The following CAAP1 variants were observed in gnomAD, a reference collection of about 807,000 sequenced individuals.
CAAP1 encodes the protein conserved anti-apoptotic protein.
A neutral mutation model predicts 34.0 loss-of-function variants in CAAP1; 20 were observed. The observed-to-expected ratio is 0.59, with a 90% CI of 0.41 to 0.86. CAAP1 has a LOEUF of 0.86. Ranked by LOEUF, CAAP1 falls within the 40% of genes least tolerant of loss-of-function variation. The probability of loss-of-function intolerance (pLI) is 0.00; values close to 1 mark genes in which losing one functional copy is unlikely to be tolerated. For synonymous variants in CAAP1, 213 were observed against 166.7 expected (o/e 1.28, Z -2.14); for missense variants, 538 against 450.5 (o/e 1.19, Z -1.76).
chr9:26,891,345 C>T (rs958530443), intron 1 of CAAP1, among the ~76,000 whole-genome samples: 2 of 151,976 alleles, frequency 1.3e-5, no homozygotes, highest in African/African-American at 4.8e-5. Flanking sequence ...TAAAAAATGC[C>T]ATCAAAATGT....
At chr9:26,864,668 A>G (rs1341936970) in intron 4 of CAAP1, among the ~76,000 whole-genome samples, 1 of 152,214 alleles carries the variant, frequency 6.6e-6, no homozygotes, top group Non-Finnish European at 1.5e-5. Context: ...GTTTTATTTT[A>G]AAGTGACTAA....
chr9:26,876,285 G>T (rs181851623), intron 4 of CAAP1, among the ~76,000 whole-genome samples: 80 of 152,192 alleles, frequency 5.3e-4, no homozygotes, highest in Non-Finnish European at 8.2e-4. Context: ...GGATCCTCAT[G>T]ATTATACTGG....
At chr9:26,850,228 G>A (rs1397779548) in intron 5 of CAAP1, among the ~76,000 whole-genome samples, 1 of 152,128 alleles carries the variant, frequency 6.6e-6, no homozygotes, top group Non-Finnish European at 1.5e-5. Context: ...TCTTGCTACT[G>A]ACTAGACTTT....
chr9:26,843,468 T>C (rs1021302203), intron 5 of CAAP1, among the ~76,000 whole-genome samples: 2 of 152,182 alleles, frequency 1.3e-5, no homozygotes, highest in African/African-American at 2.4e-5. Flanking sequence ...TGTGTTTTTC[T>C]TGCATTTTCT....
chr9:26,877,593 C>CA, intron 4 of CAAP1, among the ~76,000 whole-genome samples: 1 of 152,246 alleles, frequency 6.6e-6, no homozygotes, highest in East Asian at 1.9e-4. Flanking sequence ...GTTGTATGAA[C>CA]ATGTTACTCC....
chr9:26,864,360 TG>T (rs1050144616), intron 4 of CAAP1, among the ~76,000 whole-genome samples: 3 of 152,046 alleles, frequency 2.0e-5, no homozygotes, highest in African/African-American at 7.2e-5. Context: ...TTTCTAAATA[TG>T]GGGGGTGGGG....
chr9:26,861,098 T>G lies in CAAP1; in HGVS notation c.707A>C (p.Asn236Thr), dbSNP rs750587844. 1.2e-6 allele frequency: 2 copies of G among 1,612,224 alleles called. No homozygotes were observed. The highest frequency in any genetic ancestry group is 3.3e-5 in the Admixed American group (2 of 59,996). ...TAATTCCAAACCTTCAGGTTGCTTA[T>G]TCTCTCTCACGGATGAAGCAGAATC... ...CIDSASSVRENKQPEGLELKQ... is the reference protein window; with the variant it reads ...CIDSASSVRETKQPEGLELKQ... Residue 236 changes from asparagine (N) to threonine (T), a missense_variant, in exon 5 of 6, where the codon AAT becomes ACT. Physicochemically the swap from Asn to Thr is moderately conservative, Grantham distance 65 (BLOSUM62 0). This residue lies in a region of CAAP1 where 514 missense variants were observed against 408.4 expected (regional missense o/e 1.26). Transcript: ENST00000333916.
intron 5 of CAAP1, among the ~76,000 whole-genome samples, chr9:26,846,935 C>T (rs1369369821): frequency 2.0e-5 from 3 of 152,066 alleles, no homozygotes; most frequent in Non-Finnish European, 4.4e-5. Context: ...GATCTGCCTG[C>T]CTCAGCCTCC....
At chr9:26,884,069 C>T (rs547963549) in intron 4 of CAAP1, among the ~76,000 whole-genome samples, 12 of 152,094 alleles carry the variant, frequency 7.9e-5, no homozygotes, top group Admixed American at 2.6e-4. Context: ...ATTTATTTTT[C>T]TTTTATACTT....
intron 4 of CAAP1, among the ~76,000 whole-genome samples, chr9:26,864,495 T>C (rs569801419): frequency 1.3e-5 from 2 of 152,252 alleles, no homozygotes; most frequent in East Asian, 1.9e-4. Context: ...AGGAAACTTA[T>C]CTCTGTTTCC....
At chr9:26,884,916 A>C (rs780909241) in intron 3 of CAAP1, 31 bp from the exon 4 acceptor site, 4 of 1,420,976 alleles carry the variant, frequency 2.8e-6, no homozygotes, top group Non-Finnish European at 2.9e-6. Flanking sequence ...TTGAAAGCAC[A>C]CTTATAAAAA....
chr9:26,873,416 T>C (rs1313350396), intron 4 of CAAP1, among the ~76,000 whole-genome samples: 1 of 152,258 alleles, frequency 6.6e-6, no homozygotes, highest in East Asian at 1.9e-4. Context: ...AGCACATTCA[T>C]TTAAAATTCA....
chr9:26,866,692 G>A (rs1193684169), intron 4 of CAAP1, among the ~76,000 whole-genome samples: 1 of 152,146 alleles, frequency 6.6e-6, no homozygotes. Flanking sequence ...TTTACTGCCA[G>A]GTATACGGAT....
At chr9:26,888,778 T>C (rs1168454157) in intron 1 of CAAP1, among the ~76,000 whole-genome samples, 1 of 152,214 alleles carries the variant, frequency 6.6e-6, no homozygotes, top group East Asian at 1.9e-4. Context: ...ACGATATGTC[T>C]ACACAAAAAC....
intron 3 of CAAP1, among the ~76,000 whole-genome samples, chr9:26,885,506 A>G (rs1302677135): frequency 6.6e-6 from 1 of 152,214 alleles, no homozygotes; most frequent in Non-Finnish European, 1.5e-5. Flanking sequence ...ACATTTAAAA[A>G]TGAAGCTATC....
At chr9:26,871,176 T>C (rs746492960) in intron 4 of CAAP1, among the ~76,000 whole-genome samples, 5 of 152,186 alleles carry the variant, frequency 3.3e-5, no homozygotes, top group African/African-American at 9.7e-5. Context: ...AGGGAATATA[T>C]GTCACCTAAA....
At chr9:26,878,507 G>C (rs1230295193) in intron 4 of CAAP1, among the ~76,000 whole-genome samples, 1 of 152,164 alleles carries the variant, frequency 6.6e-6, no homozygotes, top group Non-Finnish European at 1.5e-5. Context: ...CAGACTCAGA[G>C]ACAGGAAACA....
At chr9:26,885,786 A>G (rs1367116486) in intron 3 of CAAP1, among the ~76,000 whole-genome samples, 1 of 152,182 alleles carries the variant, frequency 6.6e-6, no homozygotes, top group Non-Finnish European at 1.5e-5. Flanking sequence ...AGAAAATTAA[A>G]AAGATTTTAA....
At chr9:26,843,088 GA>G (rs1822517215) in intron 5 of CAAP1, among the ~76,000 whole-genome samples, 1 of 152,074 alleles carries the variant, frequency 6.6e-6, no homozygotes, top group Non-Finnish European at 1.5e-5. Flanking sequence ...CTACAAAAAA[GA>G]AAAAGTATCA....
Sources: gnomAD v4.1 joint callset for allele counts (sites outside exome capture counted in the v4.1 genomes callset) on GRCh38, gnomAD v4.1.1 for gene constraint, gnomAD v4.1.1 regional missense constraint, MANE v1.5 for transcripts, NCBI Gene and HGNC (gene_info 2026-07-23, HGNC 2026-07-21) for gene names.